The following PDCD11 variants were observed in gnomAD, a reference collection of about 807,000 sequenced individuals.
PDCD11 encodes the protein protein RRP5 homolog.
PDCD11 carries 97 observed loss-of-function variants against 198.9 expected under a neutral mutation model. That is an observed-to-expected ratio of 0.49 (90% CI 0.41 to 0.58). PDCD11 has a LOEUF of 0.58. Ranked by LOEUF, PDCD11 falls within the 20% of genes least tolerant of loss-of-function variation. The pLI is 0.00. For synonymous variants in PDCD11, 893 were observed against 918.0 expected, an observed-to-expected ratio of 0.97 and a Z score of 0.49; for missense variants, 2,102 against 2,312.7, an observed-to-expected ratio of 0.91 and a Z score of 1.87.
rs548314013 is a variant in PDCD11, at chr10:103,413,174, G to A, written c.1037G>A (p.Arg346His). 2.3e-5 allele frequency: 37 copies of A among 1,614,108 alleles called. No homozygotes were observed. Among genetic ancestry groups the A allele is most frequent in the Non-Finnish European group, 2.4e-5 (28 of 1,180,022 alleles). Reference protein sequence around the residue: ...PRTRVVHLSLRPIFLQPGRPL... With the variant: ...PRTRVVHLSLHPIFLQPGRPL... ...ACCAGAGTTGTGCACCTGAGCCTGCGCCCCATCTTCCTACAGCCTGGACGC... is the reference window on the plus strand; with the variant it reads ...ACCAGAGTTGTGCACCTGAGCCTGCACCCCATCTTCCTACAGCCTGGACGC... The change falls in exon 9 of 36, where the codon CGC becomes CAC. Residue 346 changes from arginine to histidine, a missense_variant. Physicochemically the swap from Arg to His is conservative, Grantham distance 29. Coordinates refer to ENST00000369797, the MANE Select transcript of PDCD11 (RefSeq NM_014976.2).
At chr10:103,416,459 T>C in intron 12 of PDCD11, 32 bp from the exon 13 acceptor site, 2 of 1,610,216 alleles carry the variant, frequency 1.2e-6, no homozygotes, top group Non-Finnish European at 1.7e-6. Flanking sequence ...TGATAACAGA[T>C]AACTTGATGA....
chr10:103,415,474 CGACTGCCACGAACAG>C (rs565096356), intron 12 of PDCD11, among the ~76,000 whole-genome samples: 368 of 152,296 alleles, frequency 2.4e-3, no homozygotes, highest in African/African-American at 7.7e-3. Flanking sequence ...TTATCAGTAG[CGACTGCCACGAACAG>C]GACTGCCACG....
In PDCD11 at chr10:103,443,788, A is replaced by G. The variant is rs1592144547; in HGVS notation, c.5125-127A>G. ...CTCCCGCTCCTCTCAGGTCTCTAGC[A>G]TTAGGCCCTGAGAGTGATTTGGTGT... On this transcript the variant is annotated intron_variant, in intron 33 of 35. Transcript: ENST00000369797. The G allele has an allele frequency of 8.7e-6, 8 of 918,300 alleles. No individual in the cohort carries two copies. The East Asian group carries it at 1.9e-4, about 22-fold the overall frequency. The allele number at this position is 918,300 out of a possible 1,614,324, so 56.9% of individuals were successfully genotyped here.
chr10:103,420,697 A>G (rs1330150717), intron 16 of PDCD11, among the ~76,000 whole-genome samples: 2 of 152,100 alleles, frequency 1.3e-5, no homozygotes, highest in Admixed American at 1.3e-4. Context: ...GAAACATTTT[A>G]AAAATGGGAG....
intron 12 of PDCD11, 72 bp downstream of exon 12, chr10:103,415,223 C>A: frequency 1.3e-6 from 2 of 1,498,942 alleles, no homozygotes; most frequent in Non-Finnish European, 1.8e-6. Flanking sequence ...GAAGTTTCTG[C>A]CTTTTTCCAC....
intron 16 of PDCD11, 94 bp from the exon 17 acceptor site, chr10:103,421,254 C>T (rs2031405651): frequency 1.1e-6 from 1 of 932,472 alleles, no homozygotes; most frequent in Non-Finnish European, 1.7e-6. Context: ...GGCCCCATTT[C>T]CCCCTACTCA....
rs146059944 is a variant in PDCD11, at chr10:103,421,390, G to C, written c.2320G>C (p.Val774Leu). The stretch of plus-strand genomic sequence containing the variant: ...TGTGACCTCCACAAGTGACCACTTT[G>C]TTGAGGGCCAGACAGTAGCGGCAAA... The part of the protein sequence containing the change: ...KFVTSTSDHF[V>L]EGQTVAAKVT... The change falls in exon 17 of 36, where the codon GTT becomes CTT. Residue 774 changes from valine (V) to leucine (L), a missense_variant. Coordinates refer to ENST00000369797, the MANE Select transcript of PDCD11 (RefSeq NM_014976.2). The C allele has an allele frequency of 6.2e-7, 1 of 1,610,068 alleles. No individual in the cohort carries two copies. Among genetic ancestry groups the C allele is most frequent in the Non-Finnish European group, 8.5e-7 (1 of 1,178,248 alleles).
chr10:103,407,379 C>T (rs111398613), intron 7 of PDCD11, among the ~76,000 whole-genome samples: 1,582 of 151,974 alleles, frequency 0.01, 30 homozygotes, highest in African/African-American at 0.035. Flanking sequence ...TTGGCTAACA[C>T]GGTGAAACCC....
chr10:103,445,348 G>A (rs759113866), intron 35 of PDCD11, 30 bp from the exon 36 acceptor site: 1 of 1,612,624 alleles, frequency 6.2e-7, no homozygotes, highest in East Asian at 2.2e-5. Context: ...GGGACTGACA[G>A]GCAAATGCCA....
At chr10:103,400,064 C>T (rs549626977) in intron 2 of PDCD11, among the ~76,000 whole-genome samples, 1 of 152,220 alleles carries the variant, frequency 6.6e-6, no homozygotes, top group South Asian at 2.1e-4. Context: ...GTCTGTGTAA[C>T]TCTGGTGTCC....
At chr10:103,420,328 A>G (rs972708183) in intron 16 of PDCD11, among the ~76,000 whole-genome samples, 4 of 152,172 alleles carry the variant, frequency 2.6e-5, no homozygotes, top group Non-Finnish European at 5.9e-5. Flanking sequence ...CAGCACACTT[A>G]GACAGGGAAA....
chr10:103,444,391 C>A, intron 34 of PDCD11, 126 bp from the exon 35 acceptor site: 1 of 946,404 alleles, frequency 1.1e-6, no homozygotes, highest in Non-Finnish European at 1.6e-6. Context: ...CTTTGTCCCT[C>A]TTGTCACAAC....
At chr10:103,399,300 T>A (rs1430683296) in intron 2 of PDCD11, among the ~76,000 whole-genome samples, 1 of 152,076 alleles carries the variant, frequency 6.6e-6, no homozygotes, top group Non-Finnish European at 1.5e-5. Flanking sequence ...TCTGCTCACC[T>A]TGACCTCCCA....
Position 103,439,868 on chromosome 10 carries a change from G to C in PDCD11, c.4148G>C (p.Arg1383Pro). The C allele has an allele frequency of 6.2e-7, 1 of 1,614,096 alleles. No homozygotes were observed. ...EGKLLTARVLRLNHQKNLVEL... is the reference protein window; with the variant it reads ...EGKLLTARVLPLNHQKNLVEL... ...AAGCTGCTCACAGCCAGGGTCCTAC[G>C]GTAGGTGCCTTCCCGTTCTCTCTCT... is the stretch of plus-strand genomic sequence containing the variant. The change falls in exon 28 of 36, where the codon CGC (arginine) becomes CCC (proline). Residue 1383 changes from arginine to proline, a missense_variant and splice_region_variant. Coordinates refer to ENST00000369797, the MANE Select transcript of PDCD11 (RefSeq NM_014976.2).
chr10:103,426,370 A>G (rs1759284409), intron 20 of PDCD11, among the ~76,000 whole-genome samples: 1 of 152,238 alleles, frequency 6.6e-6, no homozygotes, highest in African/African-American at 2.4e-5. Context: ...TAATTTCAGT[A>G]GCTAACTGTG....
intron 2 of PDCD11, among the ~76,000 whole-genome samples, chr10:103,398,873 G>C (rs2093450251): frequency 6.6e-6 from 1 of 152,090 alleles, no homozygotes; most frequent in East Asian, 1.9e-4. Flanking sequence ...AAAACTAGCT[G>C]GGCATGGTAG....
At position 103,419,562 on chromosome 10, in the gene PDCD11, GT is replaced by G; in HGVS notation, c.2132del (p.Val711AlafsTer4). 1.2e-6 allele frequency: 2 copies of G among 1,613,840 alleles called. No individual in the cohort carries two copies. Among genetic ancestry groups the G allele is most frequent in the Non-Finnish European group, 1.7e-6 (2 of 1,179,900 alleles). On this transcript the variant is annotated frameshift_variant, in exon 16 of 36. Transcript: ENST00000369797. LOFTEE classifies it high-confidence loss of function. Reference protein sequence around the residue: ...RVLLCRKPALVSTVEGGQDPK... With the variant: ...RVLLCRKPALXSTVEGGQDPK... ...GCTTCTTTGCAGGAAGCCAGCCTTG[GT>G]CTCCACAGTAGAAGGTGGCCAGGAT...
In PDCD11 at chr10:103,415,342, C is replaced by T. The variant is rs76771154; in HGVS notation, c.1518+191C>T. Among the ~76,000 whole-genome samples the T allele has an allele frequency of 3.7e-4, 57 of 152,226 alleles. No homozygotes were observed. The East Asian group carries it at 0.01, about 27-fold the overall frequency. On this transcript the variant is annotated intron_variant, in intron 12 of 35. Coordinates refer to ENST00000369797, the MANE Select transcript of PDCD11 (RefSeq NM_014976.2). Reference sequence around the variant, plus strand: ...ATAATTGGGAGTTAAAATATTCATACGTGATGAGAGAGCAAGCCAGCCTGT... The same window carrying T: ...ATAATTGGGAGTTAAAATATTCATATGTGATGAGAGAGCAAGCCAGCCTGT...
chr10:103,419,808 T>C, intron 16 of PDCD11, 100 bp downstream of exon 16: 1 of 1,079,982 alleles, frequency 9.3e-7, no homozygotes, highest in South Asian at 1.6e-5. Context: ...CCTTTTTTTT[T>C]TGAGACAGTC....
Sources: allele counts gnomAD v4.1 joint callset (sites outside exome capture counted in the v4.1 genomes callset), GRCh38; gene constraint gnomAD v4.1.1; transcripts MANE v1.5; gene names NCBI Gene and HGNC (gene_info 2026-07-23, HGNC 2026-07-21).